BAZ2B: variants seen among roughly 807,000 people sequenced by gnomAD.
BAZ2B encodes the protein bromodomain adjacent to zinc finger domain protein 2B.
A neutral mutation model predicts 246.0 loss-of-function variants in BAZ2B; 91 were observed. The ratio of observed to expected loss-of-function variants is 0.37; its 90% CI spans 0.31 to 0.44. The LOEUF (loss-of-function observed/expected upper bound fraction) is 0.44. Among genes scored for constraint, BAZ2B ranks in the 20% least tolerant of loss-of-function variants. The pLI, the probability that BAZ2B is intolerant of heterozygous loss-of-function variation, is 1.00. For missense variants in BAZ2B, 2,332 were observed against 2,533.7 expected (o/e 0.92, Z 1.71); for synonymous variants, 855 against 860.0 (o/e 0.99, Z 0.10).
At chr2:159,402,711 T>C (rs541100372) in intron 16 of BAZ2B, among the ~76,000 whole-genome samples, 1 of 152,312 alleles carries the variant, frequency 6.6e-6, no homozygotes, top group South Asian at 2.1e-4. Context: ...CAGGGAATCT[T>C]GGGGCTTACG....
intron 27 of BAZ2B, among the ~76,000 whole-genome samples, chr2:159,352,651 A>G (rs959191801): frequency 3.9e-5 from 6 of 152,088 alleles, no homozygotes; most frequent in Non-Finnish European, 8.8e-5. Context: ...ATGTCCAAGT[A>G]ATTTTTGTAT....
At chr2:159,517,309 T>C (rs2083532019) in intron 2 of BAZ2B, among the ~76,000 whole-genome samples, 1 of 152,042 alleles carries the variant, frequency 6.6e-6, no homozygotes, top group African/African-American at 2.4e-5. Context: ...CATAGTTTTT[T>C]TTTTCCCCCC....
Position 159,410,168 on chromosome 2 carries a change from G to A in BAZ2B, c.2677+2167C>T, listed in dbSNP as rs1337609934. The stretch of plus-strand genomic sequence containing the variant: ...CCCCAGCATTAAACATTATTCAGAA[G>A]GGTCAATAGCTTACTGACAATATCA... On this transcript the variant is annotated intron_variant, in intron 14 of 36. Coordinates refer to ENST00000392783, the MANE Select transcript of BAZ2B (RefSeq NM_013450.4). 2.0e-5 allele frequency among the ~76,000 whole-genome samples: 3 copies of A among 152,072 alleles called. No individual in the cohort carries two copies. The East Asian group carries it at 5.8e-4, about 29-fold the overall frequency.
rs1020764776 is a variant in BAZ2B at position 159,453,695 on chromosome 2, T to A, written c.252A>T (p.Ser84=). Residue 84 remains serine (S), a synonymous_variant, in exon 4 of 37, where the codon TCA becomes TCT. Coordinates refer to ENST00000392783, the MANE Select transcript of BAZ2B (RefSeq NM_013450.4). ...HPVFGLHSAS[S]GHSEFGGLGT... is the part of the protein sequence containing the mutation. ...CCAAACCACCAAATTCTGAATGCCC[T>A]GAGCTGGCTGAATGTAGACCAAAGA... The A allele has an allele frequency of 6.8e-6, 11 of 1,613,774 alleles. No homozygotes were observed. Among genetic ancestry groups the A allele is most frequent in the Non-Finnish European group, 9.3e-6 (11 of 1,179,824 alleles).
At chr2:159,589,225 C>T (rs1271113005) in intron 1 of BAZ2B, among the ~76,000 whole-genome samples, 1 of 152,130 alleles carries the variant, frequency 6.6e-6, no homozygotes, top group Non-Finnish European at 1.5e-5. Flanking sequence ...GTGAATTCCA[C>T]ATTGTAGAGG....
chr2:159,588,214 C>A (rs867292348), intron 1 of BAZ2B, among the ~76,000 whole-genome samples: 448 of 108,838 alleles, frequency 4.1e-3, no homozygotes, highest in Admixed American at 4.6e-3. Flanking sequence ...GACCCTGCAT[C>A]AAAAAAAAAA....
intron 1 of BAZ2B, among the ~76,000 whole-genome samples, chr2:159,579,134 A>C (rs1342972866): frequency 6.6e-6 from 1 of 152,196 alleles, no homozygotes; most frequent in Non-Finnish European, 1.5e-5. Context: ...TGAATCCAGC[A>C]GCTGGTTTTT....
At chr2:159,321,605 A>G (rs956155020) in intron 36 of BAZ2B, among the ~76,000 whole-genome samples, 8 of 152,216 alleles carry the variant, frequency 5.3e-5, no homozygotes, top group Non-Finnish European at 1.2e-4. Flanking sequence ...GTCATTTGAA[A>G]CAACGTGGAT....
chr2:159,607,680 C>G (rs1046695905), intron 1 of BAZ2B, among the ~76,000 whole-genome samples: 3 of 152,258 alleles, frequency 2.0e-5, no homozygotes, highest in Admixed American at 6.5e-5. Flanking sequence ...ATATAGAGCT[C>G]TAGCTCTATA....
At chr2:159,540,741 C>G (rs564443075) in intron 2 of BAZ2B, among the ~76,000 whole-genome samples, 5 of 152,202 alleles carry the variant, frequency 3.3e-5, no homozygotes, top group Admixed American at 2.6e-4. Flanking sequence ...TAAGACAAAA[C>G]GATACTTGGA....
At chr2:159,561,744 T>C (rs2089900971) in intron 1 of BAZ2B, among the ~76,000 whole-genome samples, 2 of 152,226 alleles carry the variant, frequency 1.3e-5, no homozygotes, top group South Asian at 2.1e-4. Context: ...TTCTCCATTT[T>C]TTATAACTGG....
chr2:159,590,036 A>C (rs1688936982), intron 1 of BAZ2B, among the ~76,000 whole-genome samples: 1 of 151,606 alleles, frequency 6.6e-6, no homozygotes, highest in Admixed American at 6.6e-5. Context: ...AAAATACAAA[A>C]ATTAGCCAGC....
At chr2:159,438,197 T>C (rs960760645) in intron 8 of BAZ2B, 106 bp downstream of exon 8, 184 of 1,069,770 alleles carry the variant, frequency 1.7e-4, no homozygotes, top group South Asian at 3.4e-5. Flanking sequence ...TAAGAAAGTA[T>C]AAAAATGAAG....
intron 2 of BAZ2B, among the ~76,000 whole-genome samples, chr2:159,479,508 G>A (rs185376803): frequency 1.3e-5 from 2 of 152,010 alleles, no homozygotes; most frequent in Admixed American, 6.6e-5. Flanking sequence ...AAGAGAACAC[G>A]ATCTACAATA....
chr2:159,349,892 A>G lies in BAZ2B; in HGVS notation c.4679T>C (p.Phe1560Ser). 6.2e-7 allele frequency: 1 copy of G among 1,614,148 alleles called. No homozygotes were observed. Among genetic ancestry groups the G allele is most frequent in the Non-Finnish European group, 8.5e-7 (1 of 1,180,014 alleles). The change falls in exon 28 of 37, where the codon TTT (phenylalanine) becomes TCT (serine). Residue 1560 changes from phenylalanine to serine, a missense_variant. Transcript: ENST00000392783. ...ACAGGGTGTTCGTGGCAAAAGACTA[A>G]ACCATTGTCTATTCTTTTCAGTCAG... ...KTLTEKNRQW[F>S]SLLPRTPCDD...
At chr2:159,551,382 T>C (rs1031290116) in intron 2 of BAZ2B, among the ~76,000 whole-genome samples, 1 of 144,598 alleles carries the variant, frequency 6.9e-6, no homozygotes, top group African/African-American at 2.6e-5. Context: ...GGCAGGAGAA[T>C]GGTGTGAACC....
chr2:159,702,514 A>C, the BAZ2B span, among the ~76,000 whole-genome samples: 1 of 152,206 alleles, frequency 6.6e-6, no homozygotes, highest in African/African-American at 2.4e-5. Context: ...CTTTACAAAA[A>C]AATTTTTATT....
At chr2:159,357,798 T>C (rs546795480) in intron 27 of BAZ2B, among the ~76,000 whole-genome samples, 5 of 152,248 alleles carry the variant, frequency 3.3e-5, no homozygotes, top group Admixed American at 6.5e-5. Context: ...AGAAGAGAGT[T>C]GGGGCCAATA....
Position 159,407,287 on chromosome 2 carries a change from C to CA in BAZ2B, c.2678-2174dup, listed in dbSNP as rs1407121003. On this transcript the variant is annotated intron_variant, in intron 14 of 36. Transcript: ENST00000392783. ...AGGACTTCGAGACCAGCCTGGCCAACATATGAAGCCCCCACCCCTACTAAA... is the reference window on the plus strand; with the variant it reads ...AGGACTTCGAGACCAGCCTGGCCAACAATATGAAGCCCCCACCCCTACTAAA... Among the ~76,000 whole-genome samples the CA allele has an allele frequency of 9.2e-5, 14 of 151,884 alleles. No homozygotes were observed. The East Asian group carries it at 2.8e-3, about 30-fold the overall frequency.
Sources: allele counts gnomAD v4.1 joint callset (sites outside exome capture counted in the v4.1 genomes callset), GRCh38; gene constraint gnomAD v4.1.1; transcripts MANE v1.5; gene names NCBI Gene and HGNC (gene_info 2026-07-23, HGNC 2026-07-21).